ACTL8: variants seen among roughly 807,000 people sequenced by gnomAD.
The protein encoded by ACTL8 is actin-like protein 8.
In ACTL8, 3 loss-of-function variants were observed where a neutral mutation model predicts 9.3. The ratio of observed to expected loss-of-function variants is 0.32; its 90% CI spans 0.15 to 0.83. The LOEUF (loss-of-function observed/expected upper bound fraction) is 0.83. Among genes scored for constraint, ACTL8 ranks in the 40% least tolerant of loss-of-function variants. ACTL8 has a pLI of 0.57. For synonymous variants in ACTL8, 224 were observed against 205.9 expected, an observed-to-expected ratio of 1.09 and a Z score of -0.75; for missense variants, 381 against 492.2, an observed-to-expected ratio of 0.77 and a Z score of 2.14.
intron 1 of ACTL8, among the ~76,000 whole-genome samples, chr1:17,790,599 G>C (rs190613368): frequency 6.6e-6 from 1 of 152,202 alleles, no homozygotes; most frequent in African/African-American, 2.4e-5. Context: ...GCACCCATGG[G>C]CGGGCCCAGA....
At position 17,767,953 on chromosome 1, in the gene ACTL8, CTG is replaced by C. The variant is rs900859397; in HGVS notation, c.-25+12452_-25+12453del. Among the ~76,000 whole-genome samples the C allele has an allele frequency of 3.9e-5, 6 of 151,998 alleles. No individual in the cohort carries two copies. The highest frequency in any genetic ancestry group is 1.5e-4 in the African/African-American group (6 of 41,346). ...GAATCCCTCTGGTGGGACTGGGTGTCTGTGGGTTCAGTCCTGGGGGGCAGGGG... is the reference window on the plus strand; with the variant it reads ...GAATCCCTCTGGTGGGACTGGGTGTCTGGGTTCAGTCCTGGGGGGCAGGGG... On this transcript the variant is annotated intron_variant, in intron 1 of 2. Transcript: ENST00000375406. The surrounding 1 kb of genome is among the most constrained non-coding windows in gnomAD (Gnocchi z 4.7).
Position 17,823,396 on chromosome 1 carries a change from A to G in ACTL8, c.348+40A>G. 6.4e-7 allele frequency: 1 copy of G among 1,559,082 alleles called. No individual in the cohort carries two copies. The highest frequency in any genetic ancestry group is 1.4e-5 in the African/African-American group (1 of 73,776). On this transcript the variant is annotated intron_variant, in intron 2 of 2. Transcript: ENST00000375406. This position sits in a 1 kb window ranked among gnomAD's most constrained non-coding sequence, Gnocchi z 5.3. ...GGCCTGCTCCCACTCGGGAGCGGGA[A>G]ACAGACTGACACTATGTCTGGACTG...
At chr1:17,795,628 A>C (rs2066271358) in intron 1 of ACTL8, among the ~76,000 whole-genome samples, 1 of 152,200 alleles carries the variant, frequency 6.6e-6, no homozygotes, top group South Asian at 2.1e-4. Context: ...AGCTGGGATA[A>C]CAGATTCCCT....
In ACTL8 at chr1:17,817,848, G is replaced by A. The variant is rs1363803588; in HGVS notation, c.-24-5137G>A. Among the ~76,000 whole-genome samples, 60 of 151,926 alleles carry A rather than the reference G, an allele frequency of 3.9e-4. 1 individual carries two copies. The highest frequency in any genetic ancestry group is 1.9e-4 in the East Asian group (1 of 5,176). ...CCTGAGTAGCTGGGATTACAGGTGC[G>A]TGCCACCACTCCTAGCTAATTTTTG... is the stretch of plus-strand genomic sequence containing the variant. On this transcript the variant is annotated intron_variant, in intron 1 of 2. Transcript: ENST00000375406.
chr1:17,758,539 G>A (rs1339612833), intron 1 of ACTL8, among the ~76,000 whole-genome samples: 3 of 152,182 alleles, frequency 2.0e-5, no homozygotes, highest in African/African-American at 7.2e-5. Flanking sequence ...CTGCATCATT[G>A]CCATAAATAC....
chr1:17,773,282 G>T (rs1020340768), intron 1 of ACTL8, among the ~76,000 whole-genome samples: 1 of 152,162 alleles, frequency 6.6e-6, no homozygotes, highest in African/African-American at 2.4e-5. Flanking sequence ...TGAGAGTCTG[G>T]ACCCTGGGGC....
At chr1:17,772,501 G>C (rs2102678976) in intron 1 of ACTL8, among the ~76,000 whole-genome samples, 1 of 152,160 alleles carries the variant, frequency 6.6e-6, no homozygotes, top group South Asian at 2.1e-4. Flanking sequence ...CATAACTTCT[G>C]ATCCCACCCA....
At position 17,788,125 on chromosome 1, in the gene ACTL8, A is replaced by T. The variant is rs536959677; in HGVS notation, c.-25+32621A>T. Among the ~76,000 whole-genome samples, 60 of 152,300 alleles carry T rather than the reference A, an allele frequency of 3.9e-4. No homozygotes were observed. The South Asian group carries it at 0.012, about 31-fold the overall frequency. ...TTCTTGTCCACTGTCAGCCCTGTGT[A>T]TAGCATAGATATCAACCCTCTTTTT... On this transcript the variant is annotated intron_variant, in intron 1 of 2. Coordinates refer to ENST00000375406, the MANE Select transcript of ACTL8 (RefSeq NM_030812.3).
At chr1:17,793,323 A>C (rs1459348682) in intron 1 of ACTL8, among the ~76,000 whole-genome samples, 1 of 152,220 alleles carries the variant, frequency 6.6e-6, no homozygotes, top group East Asian at 1.9e-4. Flanking sequence ...GAGCTGATGC[A>C]CTGTGAGCAC....
At position 17,825,082 on chromosome 1, in the gene ACTL8, G is replaced by C. The variant is rs117500971; in HGVS notation, c.349-685G>C. 1.5e-4 allele frequency among the ~76,000 whole-genome samples: 21 copies of C among 142,778 alleles called. No individual in the cohort carries two copies. The East Asian group carries it at 4.7e-3, about 32-fold the overall frequency. The allele number at this position is 142,778 out of a possible 152,430, so 93.7% of individuals were successfully genotyped here. On this transcript the variant is annotated intron_variant, in intron 2 of 2. Coordinates refer to ENST00000375406, the MANE Select transcript of ACTL8 (RefSeq NM_030812.3). ...GCCAGAGCTGAGGAATGGGGGGCAG[G>C]GGGGCTTTGTAAAGATTCAGGGGGT...
At chr1:17,824,857 A>C (rs1000207830) in intron 2 of ACTL8, among the ~76,000 whole-genome samples, 2 of 152,072 alleles carry the variant, frequency 1.3e-5, no homozygotes, top group African/African-American at 4.8e-5. Flanking sequence ...CTATTTGAAA[A>C]AGAGGACCTT....
intron 1 of ACTL8, among the ~76,000 whole-genome samples, chr1:17,766,486 T>G (rs2066045573): frequency 2.0e-5 from 3 of 152,216 alleles, no homozygotes; most frequent in Admixed American, 2.0e-4. Context: ...GCCTCCTGAT[T>G]ATTCTACCAC....
At position 17,756,683 on chromosome 1, in the gene ACTL8, C is replaced by T. The variant is rs557525939; in HGVS notation, c.-25+1179C>T. ...TCAGGAGATGGAACCACAGAGGTAC[C>T]ATTTTGGGAGTGGTTTTCTGGTGAT... On this transcript the variant is annotated intron_variant, in intron 1 of 2. Coordinates refer to ENST00000375406, the MANE Select transcript of ACTL8 (RefSeq NM_030812.3). Among the ~76,000 whole-genome samples, 4 of 152,172 alleles carry T rather than the reference C, an allele frequency of 2.6e-5. No individual in the cohort carries two copies. The East Asian group carries it at 7.7e-4, about 29-fold the overall frequency.
intron 1 of ACTL8, among the ~76,000 whole-genome samples, chr1:17,762,751 C>A (rs1228695959): frequency 6.6e-6 from 1 of 152,098 alleles, no homozygotes; most frequent in Non-Finnish European, 1.5e-5. Flanking sequence ...GGGTGGTCTT[C>A]TCCTTGGTGC....
intron 1 of ACTL8, among the ~76,000 whole-genome samples, chr1:17,789,528 G>C (rs1557436281): frequency 1.3e-5 from 2 of 152,098 alleles, no homozygotes; most frequent in South Asian, 4.1e-4. Context: ...TTCAGTCTTG[G>C]TGGTGTCCCC....
chr1:17,808,728 T>C (rs2066375440), intron 1 of ACTL8, among the ~76,000 whole-genome samples: 1 of 152,234 alleles, frequency 6.6e-6, no homozygotes, highest in East Asian at 1.9e-4. Flanking sequence ...GTTTGCAAGT[T>C]GTCTGGTGTT....
intron 1 of ACTL8, among the ~76,000 whole-genome samples, chr1:17,762,536 CAGGT>C (rs2066013858): frequency 6.6e-6 from 1 of 152,180 alleles, no homozygotes; most frequent in African/African-American, 2.4e-5. Flanking sequence ...CACCTCCAGG[CAGGT>C]AGGTCTCACC....
At chr1:17,787,213 T>C (rs1469642963) in intron 1 of ACTL8, among the ~76,000 whole-genome samples, 2 of 152,198 alleles carry the variant, frequency 1.3e-5, no homozygotes, top group Non-Finnish European at 2.9e-5. Flanking sequence ...CCTGGATCTT[T>C]TCTTATTCAA....
intron 1 of ACTL8, among the ~76,000 whole-genome samples, chr1:17,763,374 G>A (rs1344845205): frequency 6.6e-6 from 1 of 152,092 alleles, no homozygotes; most frequent in East Asian, 1.9e-4. Flanking sequence ...GGTGCTTTGG[G>A]GTGTGGTCTT....
Sources: gnomAD v4.1 joint callset for allele counts (sites outside exome capture counted in the v4.1 genomes callset) on GRCh38, gnomAD v4.1.1 for gene constraint, Gnocchi (gnomAD v3.1) non-coding constraint, MANE v1.5 for transcripts, NCBI Gene and HGNC (gene_info 2026-07-23, HGNC 2026-07-21) for gene names.